The following PLPP4 variants were observed in gnomAD, a reference collection of about 807,000 sequenced individuals.
The protein encoded by PLPP4 is diacylglycerol pyrophosphate like 2.
PLPP4 carries 20 observed loss-of-function variants against 32.2 expected under a neutral mutation model. The ratio of observed to expected loss-of-function variants is 0.62; its 90% CI spans 0.44 to 0.90. The LOEUF (loss-of-function observed/expected upper bound fraction) is 0.90. Among genes scored for constraint, PLPP4 ranks in the 40% least tolerant of loss-of-function variants. The pLI is 0.00. For missense variants in PLPP4, 257 were observed against 353.1 expected (o/e 0.73, Z 2.18); for synonymous variants, 127 against 133.0 (o/e 0.95, Z 0.31).
At chr10:120,471,139 C>A (rs149955732) in intron 1 of PLPP4, among the ~76,000 whole-genome samples, 1 of 152,004 alleles carries the variant, frequency 6.6e-6, no homozygotes, top group African/African-American at 2.4e-5. Flanking sequence ...AAGAAGTTAG[C>A]CATGCTATTA....
intron 6 of PLPP4, chr10:120,587,298 C>T (rs943016404): frequency 6.6e-6 from 1 of 152,226 alleles, no homozygotes; most frequent in Non-Finnish European, 1.5e-5. Flanking sequence ...ATGGCTGCGC[C>T]TATTTGCTCT....
At chr10:120,488,012 G>C (rs568789704) in intron 1 of PLPP4, among the ~76,000 whole-genome samples, 5 of 152,290 alleles carry the variant, frequency 3.3e-5, no homozygotes, top group African/African-American at 1.2e-4. Flanking sequence ...ATGAGAAAAG[G>C]CTCCAGAAGT....
At chr10:120,474,058 T>A (rs542963855) in intron 1 of PLPP4, among the ~76,000 whole-genome samples, 36 of 152,294 alleles carry the variant, frequency 2.4e-4, no homozygotes, top group African/African-American at 7.7e-4. Flanking sequence ...ATTATTTTTT[T>A]CTCTTCTGCT....
intron 5 of PLPP4, among the ~76,000 whole-genome samples, chr10:120,525,540 C>T (rs1231075732): frequency 6.6e-6 from 1 of 152,142 alleles, no homozygotes; most frequent in East Asian, 1.9e-4. Flanking sequence ...ACATGGCCCA[C>T]GTTTTCCTCC....
intron 5 of PLPP4, among the ~76,000 whole-genome samples, chr10:120,546,799 C>T (rs907033657): frequency 6.6e-6 from 1 of 152,224 alleles, no homozygotes; most frequent in Non-Finnish European, 1.5e-5. Context: ...TCCACATTTG[C>T]TTCTCCATAT....
chr10:120,494,506 G>T (rs1195646629), intron 1 of PLPP4, among the ~76,000 whole-genome samples: 1 of 152,210 alleles, frequency 6.6e-6, no homozygotes, highest in Non-Finnish European at 1.5e-5. Context: ...CTCTGCCTTG[G>T]TTGGGCATTT....
At chr10:120,585,450 G>A (rs922718440) in intron 6 of PLPP4, among the ~76,000 whole-genome samples, 6 of 152,186 alleles carry the variant, frequency 3.9e-5, no homozygotes, top group Non-Finnish European at 8.8e-5. Flanking sequence ...GGAGAAGGAT[G>A]GGGCAGAATG....
chr10:120,544,007 T>C (rs1313771052), intron 5 of PLPP4, among the ~76,000 whole-genome samples: 1 of 152,234 alleles, frequency 6.6e-6, no homozygotes, highest in Admixed American at 6.5e-5. Context: ...TGTTTGTCCA[T>C]TCATCCAGCA....
intron 5 of PLPP4, among the ~76,000 whole-genome samples, chr10:120,529,158 G>C (rs1055861700): frequency 6.6e-5 from 10 of 150,754 alleles, no homozygotes; most frequent in African/African-American, 2.4e-4. Context: ...GCAATGTCTG[G>C]AGACATTTTT....
chr10:120,510,925 A>G (rs1845700838), intron 2 of PLPP4, among the ~76,000 whole-genome samples: 1 of 152,174 alleles, frequency 6.6e-6, no homozygotes, highest in African/African-American at 2.4e-5. Flanking sequence ...AACAAGCCAC[A>G]TCTTGCAATC....
intron 5 of PLPP4, among the ~76,000 whole-genome samples, chr10:120,558,204 T>C (rs1232675485): frequency 1.3e-5 from 2 of 151,932 alleles, no homozygotes; most frequent in East Asian, 3.9e-4. Flanking sequence ...TCTTTGCTTT[T>C]CTAGATAGTT....
At chr10:120,538,600 C>T (rs971820899) in intron 5 of PLPP4, among the ~76,000 whole-genome samples, 1 of 152,148 alleles carries the variant, frequency 6.6e-6, no homozygotes, top group Non-Finnish European at 1.5e-5. Context: ...AGAGAAAACC[C>T]AGGCCCTTTC....
At chr10:120,516,670 C>T (rs1170085344) in intron 3 of PLPP4, among the ~76,000 whole-genome samples, 1 of 152,184 alleles carries the variant, frequency 6.6e-6, no homozygotes, top group Non-Finnish European at 1.5e-5. Context: ...TTCTCTGAAA[C>T]CCACAGTGCT....
intron 1 of PLPP4, among the ~76,000 whole-genome samples, chr10:120,462,899 A>AG (rs969224647): frequency 6.6e-6 from 1 of 151,446 alleles, no homozygotes; most frequent in African/African-American, 2.4e-5. Flanking sequence ...TGTAAGAGGG[A>AG]GGGGGACTTT....
At chr10:120,507,193 A>AG (rs1285928853) in intron 2 of PLPP4, among the ~76,000 whole-genome samples, 1 of 152,124 alleles carries the variant, frequency 6.6e-6, no homozygotes, top group Admixed American at 6.5e-5. Context: ...AGAAAACCAT[A>AG]GGGGCTATAG....
In PLPP4 at chr10:120,507,376, CATCATCATCATT is replaced by C. The variant is rs1353503638; in HGVS notation, c.165+3462_165+3473del. 6.3e-3 allele frequency among the ~76,000 whole-genome samples: 833 copies of C among 133,174 alleles called. 13 individuals are homozygous for C. Among genetic ancestry groups the C allele is most frequent in the East Asian group, 0.062 (300 of 4,824 alleles). The allele number at this position is 133,174 out of a possible 152,430, so 87.4% of individuals were successfully genotyped here. ...TCATCATCATTATCATCATCATCAT[CATCATCATCATT>C]ATCATCATCATCATCAACAACAGTA... On this transcript the variant is annotated intron_variant, in intron 2 of 6. Transcript: ENST00000398250.
intron 1 of PLPP4, among the ~76,000 whole-genome samples, chr10:120,502,687 C>T (rs183803669): frequency 1.3e-5 from 2 of 152,266 alleles, no homozygotes; most frequent in Non-Finnish European, 2.9e-5. Flanking sequence ...GGATAGAAAG[C>T]GGGGCTGTGG....
intron 5 of PLPP4, among the ~76,000 whole-genome samples, chr10:120,567,188 A>G (rs1348242261): frequency 6.6e-6 from 1 of 152,236 alleles, no homozygotes; most frequent in Admixed American, 6.5e-5. Flanking sequence ...ATAGTCTGCT[A>G]CACTGCTAGA....
rs772232346 is a variant in PLPP4, at chr10:120,503,901, A to T, written c.140A>T (p.Asp47Val). Residue 47 changes from aspartate (D) to valine (V), a missense_variant, in exon 2 of 7, where the codon GAT becomes GTT. Coordinates refer to ENST00000398250, the MANE Select transcript of PLPP4 (RefSeq NM_001030059.3). The part of the protein sequence containing the change: ...WLYKNPLVQS[D>V]NIPTRLMFAI... ...TATAAAAATCCTTTGGTGCAATCAGATAACATACCTACCCGCCTCATGTTT... is the reference window on the plus strand; with the variant it reads ...TATAAAAATCCTTTGGTGCAATCAGTTAACATACCTACCCGCCTCATGTTT... 1.9e-6 allele frequency: 3 copies of T among 1,611,000 alleles called. No homozygotes were observed. The highest frequency in any genetic ancestry group is 1.1e-5 in the South Asian group (1 of 91,024).
Sources: gnomAD v4.1 joint callset for allele counts (sites outside exome capture counted in the v4.1 genomes callset) on GRCh38, gnomAD v4.1.1 for gene constraint, MANE v1.5 for transcripts, NCBI Gene and HGNC (gene_info 2026-07-23, HGNC 2026-07-21) for gene names.